Variants in TSPEAR observed in about 807,000 individuals in gnomAD.
TSPEAR encodes the protein thrombospondin type laminin G domain and EAR repeats.
TSPEAR carries 69 observed loss-of-function variants against 71.6 expected under a neutral mutation model. The observed-to-expected ratio is 0.96, with a 90% confidence interval of 0.79 to 1.18. The LOEUF is 1.18. Ranked by LOEUF, TSPEAR falls within the 50% of genes most tolerant of loss-of-function variation. The probability of loss-of-function intolerance (pLI) is 0.00; values close to 1 mark genes in which losing one functional copy is unlikely to be tolerated. For missense variants in TSPEAR, 971 were observed against 894.9 expected, an observed-to-expected ratio of 1.09 and a Z score of -1.09; for synonymous variants, 402 against 387.2, an observed-to-expected ratio of 1.04 and a Z score of -0.45.
chr21:44,702,429 G>A, intron 1 of TSPEAR: 3 of 1,610,008 alleles, frequency 1.9e-6, no homozygotes, highest in South Asian at 1.1e-5. Flanking sequence ...CTAGCTGCCA[G>A]CCAGCTTGCT....
chr21:44,669,441 A>C (rs1320172234), intron 1 of TSPEAR, among the ~76,000 whole-genome samples: 3 of 152,342 alleles, frequency 2.0e-5, no homozygotes, highest in Admixed American at 2.0e-4. Flanking sequence ...AAATAAAAAA[A>C]TAAAGCACTG....
intron 2 of TSPEAR, among the ~76,000 whole-genome samples, chr21:44,557,377 AG>A (rs2053549668): frequency 6.6e-6 from 1 of 152,236 alleles, no homozygotes; most frequent in Non-Finnish European, 1.5e-5. Context: ...CAGAGACTTC[AG>A]GCATTGGGAT....
chr21:44,666,746 G>A lies in TSPEAR; in HGVS notation c.82+44687C>T, dbSNP rs369634827. 1.6e-4 allele frequency: 258 copies of A among 1,613,694 alleles called. No homozygotes were observed. The highest frequency in any genetic ancestry group is 2.1e-4 in the Non-Finnish European group (249 of 1,179,880). ...GGCACACGGCTGGCTTGAAGCTCAC[G>A]GGCACACACACGGAGGACTGGCAGC... is the stretch of plus-strand genomic sequence containing the variant. On this transcript the variant is annotated intron_variant, in intron 1 of 11. Coordinates refer to ENST00000323084, the MANE Select transcript of TSPEAR (RefSeq NM_144991.3).
intron 1 of TSPEAR, among the ~76,000 whole-genome samples, chr21:44,603,016 G>A (rs111283956): frequency 1.1e-4 from 16 of 151,976 alleles, no homozygotes; most frequent in African/African-American, 2.4e-4. Flanking sequence ...AGTGCTGGGT[G>A]CATTTCTGGT....
intron 3 of TSPEAR, among the ~76,000 whole-genome samples, 160 bp downstream of exon 3, chr21:44,533,525 G>C (rs587629814): frequency 6.7e-6 from 1 of 150,346 alleles, no homozygotes; most frequent in African/African-American, 2.5e-5. Flanking sequence ...CTCCTGCCCC[G>C]TGGATGGCTC....
At position 44,499,865 on chromosome 21, in the gene TSPEAR, A is replaced by G. The variant is rs782089566; in HGVS notation, c.1928T>C (p.Phe643Ser). 6.2e-7 allele frequency: 1 copy of G among 1,604,914 alleles called. No homozygotes were observed. The highest frequency in any genetic ancestry group is 1.1e-5 in the South Asian group (1 of 89,492). ...GAGGTAGGCACCAGCCGTGGTGCTG[A>G]AGGCCTCCCAGTCCCTGCAGCCGAC... ...PTVGCRDWEA[F>S]STTAGAYLIY... The change falls in exon 12 of 12, where the codon TTC (phenylalanine) becomes TCC (serine). Residue 643 changes from phenylalanine (F) to serine (S), a missense_variant. Transcript: ENST00000323084.
At chr21:44,625,025 C>CA (rs1982678317) in intron 1 of TSPEAR, among the ~76,000 whole-genome samples, 2 of 152,164 alleles carry the variant, frequency 1.3e-5, no homozygotes, top group South Asian at 4.1e-4. Flanking sequence ...CAGAACTTGA[C>CA]AGAGAGTTTT....
At chr21:44,591,551 A>G in intron 1 of TSPEAR, 2 of 1,613,364 alleles carry the variant, frequency 1.2e-6, no homozygotes, top group Admixed American at 3.3e-5. Flanking sequence ...GTGGACTTGC[A>G]CACAGGGTGG....
At chr21:44,650,266 G>A (rs144016013) in intron 1 of TSPEAR, among the ~76,000 whole-genome samples, 2 of 152,100 alleles carry the variant, frequency 1.3e-5, no homozygotes, top group African/African-American at 2.4e-5. Context: ...CCCTCATACT[G>A]TAAACATGAC....
At position 44,623,307 on chromosome 21, in the gene TSPEAR, A is replaced by G; in HGVS notation, c.83-55302T>C. Among the ~76,000 whole-genome samples the G allele has an allele frequency of 6.6e-6, 1 of 152,184 alleles. No homozygotes were observed. The highest frequency in any genetic ancestry group is 2.1e-4 in the South Asian group (1 of 4,824). ...TACTCTAGTGGAGATTACAACATGAATCTATGACTTTTTAAAGTCTAATGT... is the reference window on the plus strand; with the variant it reads ...TACTCTAGTGGAGATTACAACATGAGTCTATGACTTTTTAAAGTCTAATGT... On this transcript the variant is annotated intron_variant, in intron 1 of 11. Transcript: ENST00000323084. This position sits in a 1 kb window ranked among gnomAD's most constrained non-coding sequence, Gnocchi z 4.5.
At chr21:44,704,106 C>T (rs192995761) in intron 1 of TSPEAR, among the ~76,000 whole-genome samples, 318 of 152,328 alleles carry the variant, frequency 2.1e-3, no homozygotes, top group Admixed American at 3.9e-3. Flanking sequence ...CTGCAAGGAC[C>T]CTCAGTGAGA....
At chr21:44,518,150 G>T in intron 9 of TSPEAR, 1 of 367,612 alleles carries the variant, frequency 2.7e-6, no homozygotes, top group South Asian at 2.2e-5. Flanking sequence ...CGTAAGTGCA[G>T]TATCATCTTG....
intron 2 of TSPEAR, among the ~76,000 whole-genome samples, chr21:44,565,966 C>G (rs1456946637): frequency 6.6e-6 from 1 of 152,146 alleles, no homozygotes; most frequent in Non-Finnish European, 1.5e-5. Context: ...GATCTCAGCA[C>G]TTTGGGAGGC....
chr21:44,605,276 A>G (rs1475116755), intron 1 of TSPEAR, among the ~76,000 whole-genome samples: 2 of 152,238 alleles, frequency 1.3e-5, no homozygotes, highest in African/African-American at 4.8e-5. Flanking sequence ...TACACTGAAA[A>G]CTACAAAACA....
At position 44,677,903 on chromosome 21, in the gene TSPEAR, A is replaced by T. The variant is rs1258386257; in HGVS notation, c.82+33530T>A. ...GGGAAGCCCATTTGGCATATAGGATAGTGCCACCAATACCTCCACCAAAAA... is the reference window on the plus strand; with the variant it reads ...GGGAAGCCCATTTGGCATATAGGATTGTGCCACCAATACCTCCACCAAAAA... On this transcript the variant is annotated intron_variant, in intron 1 of 11. Transcript: ENST00000323084. 2.1e-6 allele frequency: 3 copies of T among 1,400,016 alleles called. No individual in the cohort carries two copies. In the African/African-American group the frequency reaches 4.3e-5, roughly 20 times the overall value. 86.7% of individuals were successfully genotyped at this position (1,400,016 alleles called of 1,614,324 possible).
intron 2 of TSPEAR, among the ~76,000 whole-genome samples, chr21:44,552,180 G>A (rs2053452682): frequency 6.6e-6 from 1 of 152,200 alleles, no homozygotes; most frequent in Non-Finnish European, 1.5e-5. Context: ...TGCAGATCCA[G>A]GCCTGGGGGT....
At chr21:44,530,016 C>T (rs782550290) in intron 4 of TSPEAR, 62 bp from the exon 5 acceptor site, 4 of 1,464,214 alleles carry the variant, frequency 2.7e-6, no homozygotes, top group Non-Finnish European at 3.6e-6. Flanking sequence ...GCTGAGGAGG[C>T]GACCACTGAG....
intron 1 of TSPEAR, among the ~76,000 whole-genome samples, chr21:44,588,278 C>G (rs922940033): frequency 6.6e-6 from 1 of 152,124 alleles, no homozygotes; most frequent in African/African-American, 2.4e-5. Flanking sequence ...GGAAAAAATG[C>G]TTAACATCAC....
chr21:44,545,707 T>C (rs898482880), intron 2 of TSPEAR, among the ~76,000 whole-genome samples: 1 of 151,880 alleles, frequency 6.6e-6, no homozygotes, highest in Non-Finnish European at 1.5e-5. Context: ...TACTTTGAGA[T>C]GAATAAAAAA....
Sources: gnomAD v4.1 joint callset for allele counts (sites outside exome capture counted in the v4.1 genomes callset) on GRCh38, gnomAD v4.1.1 for gene constraint, Gnocchi (gnomAD v3.1) non-coding constraint, MANE v1.5 for transcripts, NCBI Gene and HGNC (gene_info 2026-07-23, HGNC 2026-07-21) for gene names.